CREB1: variants seen among roughly 807,000 people sequenced by gnomAD.
The protein encoded by CREB1 is cAMP responsive element binding protein 1, also known as cyclic AMP-responsive element-binding protein 1.
In CREB1, 2 loss-of-function variants were observed where a neutral mutation model predicts 42.0. The ratio of observed to expected loss-of-function variants is 0.05; its 90% CI spans 0.02 to 0.15. CREB1 has a LOEUF of 0.15. Ranked by LOEUF, CREB1 falls within the 10% of genes least tolerant of loss-of-function variation. CREB1 has a pLI of 1.00. For synonymous variants in CREB1, 123 were observed against 139.9 expected (o/e 0.88, Z 0.85); for missense variants, 199 against 388.9 (o/e 0.51, Z 4.11).
chr2:207,575,682 A>C (rs1482445858), intron 6 of CREB1, among the ~76,000 whole-genome samples: 1 of 152,162 alleles, frequency 6.6e-6, no homozygotes, highest in Non-Finnish European at 1.5e-5. Flanking sequence ...ATCTACCTTT[A>C]ACATCTTTTG....
In CREB1 at chr2:207,597,283, T is replaced by C; in HGVS notation, c.*225T>C. The C allele has an allele frequency of 2.3e-6, 1 of 443,228 alleles. No homozygotes were observed. The highest frequency in any genetic ancestry group is 4.4e-5 in the South Asian group (1 of 22,950). 27.5% of individuals were successfully genotyped at this position (443,228 alleles called of 1,614,324 possible). On this transcript the variant is annotated 3_prime_UTR_variant, in exon 8 of 8. Coordinates refer to ENST00000353267, the MANE Select transcript of CREB1 (RefSeq NM_004379.5). ...CTCAAGAAATTTTCAACGCCAGGAA[T>C]CATGAAGAGACTTCTGCTTTTCAAC...
intron 1 of CREB1, among the ~76,000 whole-genome samples, chr2:207,533,953 T>C (rs1038023323): frequency 1.3e-5 from 2 of 152,210 alleles, no homozygotes; most frequent in Non-Finnish European, 2.9e-5. Context: ...AGTTTCCTTA[T>C]ATGTAAAATT....
chr2:207,572,259 T>C (rs1047910667), intron 5 of CREB1, among the ~76,000 whole-genome samples: 11 of 151,948 alleles, frequency 7.2e-5, no homozygotes, highest in Non-Finnish European at 1.5e-4. Flanking sequence ...ATTAATACTT[T>C]GAAATTTTTA....
At chr2:207,543,406 T>TA (rs937383989) in intron 1 of CREB1, among the ~76,000 whole-genome samples, 2 of 152,184 alleles carry the variant, frequency 1.3e-5, no homozygotes, top group Non-Finnish European at 2.9e-5. Flanking sequence ...AATTCACAGT[T>TA]ACAAACATTT....
intron 1 of CREB1, among the ~76,000 whole-genome samples, chr2:207,538,601 A>G (rs1051587071): frequency 6.6e-6 from 1 of 152,220 alleles, no homozygotes; most frequent in East Asian, 1.9e-4. Flanking sequence ...TTTTGAGAGG[A>G]TGAGGTCTAA....
At chr2:207,568,712 G>T (rs955551410) in intron 4 of CREB1, among the ~76,000 whole-genome samples, 2 of 152,046 alleles carry the variant, frequency 1.3e-5, no homozygotes, top group Non-Finnish European at 2.9e-5. Flanking sequence ...AAAATTACTT[G>T]GGTTAGGGTT....
intron 1 of CREB1, among the ~76,000 whole-genome samples, chr2:207,544,443 G>A (rs1046040564): frequency 6.6e-6 from 1 of 152,158 alleles, no homozygotes; most frequent in African/African-American, 2.4e-5. Context: ...TTGTTTGGAA[G>A]GAATTTATAG....
chr2:207,577,211 CT>C, intron 6 of CREB1: 1 of 1,122,088 alleles, frequency 8.9e-7, no homozygotes, highest in Non-Finnish European at 1.1e-6. Flanking sequence ...CCCCACTTAC[CT>C]TTTAGACTTA....
At chr2:207,560,792 A>G (rs2081929626) in intron 3 of CREB1, among the ~76,000 whole-genome samples, 1 of 152,234 alleles carries the variant, frequency 6.6e-6, no homozygotes, top group South Asian at 2.1e-4. Context: ...GACCTTAGAG[A>G]TTACATAAAG....
intron 2 of CREB1, 94 bp from the exon 3 acceptor site, chr2:207,560,132 A>C: frequency 8.7e-7 from 1 of 1,151,840 alleles, no homozygotes; most frequent in Non-Finnish European, 1.2e-6. Flanking sequence ...CAAAAAGGTC[A>C]CGTTTTTGCT....
rs1483939147 is a variant in CREB1 at position 207,601,112 on chromosome 2, G to GT, written c.*4058dup. 9.6e-6 allele frequency: 1 copy of GT among 103,812 alleles called. No homozygotes were observed. The highest frequency in any genetic ancestry group is 4.7e-5 in the African/African-American group (1 of 21,096). The allele number at this position is 103,812 out of a possible 1,614,324, so 6.4% of individuals were successfully genotyped here. A position where few individuals can be genotyped will look rare whatever the true frequency, so the allele number is the denominator to read the frequency against. On this transcript the variant is annotated 3_prime_UTR_variant, in exon 8 of 8. Transcript: ENST00000353267. ...AATAGTGTTACATACCTTTTCAGTT[G>GT]TTTTCAAGAGGCTTTATTTTTGTTG...
At chr2:207,560,649 A>C (rs1293454139) in intron 3 of CREB1, among the ~76,000 whole-genome samples, 1 of 152,238 alleles carries the variant, frequency 6.6e-6, no homozygotes, top group African/African-American at 2.4e-5. Flanking sequence ...AGTGTTTGGG[A>C]GAAACTGTAG....
chr2:207,571,735 A>G (rs949067634), intron 5 of CREB1: 13 of 455,202 alleles, frequency 2.9e-5, no homozygotes, highest in Admixed American at 2.6e-4. Context: ...CTACTTCAGC[A>G]TACCTGAGGG....
intron 7 of CREB1, chr2:207,580,584 C>A: frequency 4.6e-6 from 1 of 217,114 alleles, no homozygotes; most frequent in Non-Finnish European, 9.3e-6. Flanking sequence ...GCACATCAAA[C>A]ACAGCCTATC....
At chr2:207,540,982 G>A (rs1447803700) in intron 1 of CREB1, among the ~76,000 whole-genome samples, 1 of 152,206 alleles carries the variant, frequency 6.6e-6, no homozygotes, top group Non-Finnish European at 1.5e-5. Flanking sequence ...CACTTTGGGA[G>A]GCCAAGGCAG....
At chr2:207,536,580 G>T (rs1280459538) in intron 1 of CREB1, among the ~76,000 whole-genome samples, 2 of 152,088 alleles carry the variant, frequency 1.3e-5, no homozygotes, top group Non-Finnish European at 2.9e-5. Context: ...AGCTGTCATG[G>T]TATATTTCGT....
intron 1 of CREB1, among the ~76,000 whole-genome samples, chr2:207,549,338 C>A (rs2081412709): frequency 6.6e-6 from 1 of 151,874 alleles, no homozygotes; most frequent in Non-Finnish European, 1.5e-5. Flanking sequence ...TGCTAAGTTT[C>A]CAGTATTGAT....
intron 7 of CREB1, chr2:207,582,161 C>G: frequency 1.4e-6 from 1 of 702,834 alleles, no homozygotes; most frequent in East Asian, 2.7e-5. Context: ...ATTCCACCTC[C>G]TAAAAGGGAG....
chr2:207,544,870 C>G (rs1358742313), intron 1 of CREB1, among the ~76,000 whole-genome samples: 1 of 152,184 alleles, frequency 6.6e-6, no homozygotes, highest in Non-Finnish European at 1.5e-5. Context: ...AGGCCTCCAG[C>G]TCCATCTATG....
Sources: allele counts gnomAD v4.1 joint callset (sites outside exome capture counted in the v4.1 genomes callset), GRCh38; gene constraint gnomAD v4.1.1; transcripts MANE v1.5; gene names NCBI Gene and HGNC (gene_info 2026-07-23, HGNC 2026-07-21).